Variants in TPGS2 observed in about 807,000 individuals in gnomAD.
TPGS2 encodes polyglutamylase subunit 2.
A neutral mutation model predicts 31.1 loss-of-function variants in TPGS2; 26 were observed. That is an observed-to-expected ratio of 0.84 (90% CI 0.61 to 1.16). The LOEUF (loss-of-function observed/expected upper bound fraction) is 1.16. Ranked by LOEUF, TPGS2 falls within the 50% of genes most tolerant of loss-of-function variation. The pLI, the probability that TPGS2 is intolerant of heterozygous loss-of-function variation, is 0.00. For missense variants in TPGS2, 351 were observed against 363.8 expected (o/e 0.96, Z 0.29); for synonymous variants, 130 against 136.6 (o/e 0.95, Z 0.34).
intron 5 of TPGS2, among the ~76,000 whole-genome samples, chr18:36,799,004 T>TGAA (rs1324149960): frequency 6.6e-6 from 1 of 152,174 alleles, no homozygotes; most frequent in African/African-American, 2.4e-5. Context: ...TAGGTTTTTT[T>TGAA]GAAGAAGTCT....
chr18:36,828,623 C>T (rs2046313771), intron 1 of TPGS2, 60 bp downstream of exon 1: 1 of 1,587,572 alleles, frequency 6.3e-7, no homozygotes, highest in South Asian at 1.1e-5. Context: ...CGCACCTCAT[C>T]CCTCCGCTCC....
At chr18:36,786,743 T>C (rs1436943277) in intron 6 of TPGS2, 3 of 1,172,868 alleles carry the variant, frequency 2.6e-6, no homozygotes, top group Non-Finnish European at 2.1e-6. Flanking sequence ...GGTCAGAAAC[T>C]CAGTTTCTAA....
Position 36,795,216 on chromosome 18 carries a change from G to C in TPGS2, c.*1589C>G. ...AAAATAAACATGTTTCAGAGCAAAAGTGCATGTGGAGAATCCTGTGGACTG... is the reference window on the plus strand; with the variant it reads ...AAAATAAACATGTTTCAGAGCAAAACTGCATGTGGAGAATCCTGTGGACTG... On this transcript the variant is annotated 3_prime_UTR_variant, in exon 7 of 7. Transcript: ENST00000334295. 1.0e-6 allele frequency: 1 copy of C among 985,436 alleles called. No homozygotes were observed. The highest frequency in any genetic ancestry group is 1.7e-5 in the African/African-American group (1 of 57,350). The allele number at this position is 985,436 out of a possible 1,614,324, so 61.0% of individuals were successfully genotyped here.
intron 6 of TPGS2, among the ~76,000 whole-genome samples, chr18:36,783,756 C>T (rs2044068424): frequency 6.6e-6 from 1 of 152,130 alleles, no homozygotes; most frequent in Admixed American, 6.5e-5. Flanking sequence ...CACCAAATAC[C>T]ACTGTAACAG....
intron 4 of TPGS2, among the ~76,000 whole-genome samples, chr18:36,803,531 G>A (rs2044944667): frequency 6.6e-6 from 1 of 152,030 alleles, no homozygotes; most frequent in South Asian, 2.1e-4. Flanking sequence ...GCAGAGAGGT[G>A]TCTTTTATTA....
intron 2 of TPGS2, among the ~76,000 whole-genome samples, chr18:36,811,869 C>T (rs928719408): frequency 1.3e-5 from 2 of 152,224 alleles, no homozygotes; most frequent in African/African-American, 4.8e-5. Context: ...GTGTCAGACA[C>T]ATGGATTGCT....
intron 6 of TPGS2, chr18:36,786,946 A>G: frequency 2.4e-6 from 3 of 1,234,422 alleles, no homozygotes; most frequent in Non-Finnish European, 3.0e-6. Flanking sequence ...CCGGGGCTTC[A>G]TGCTGCTGAC....
At chr18:36,823,460 G>GTTTTTTTTTTTTTTTTTTTTTTTTT (rs919277214) in intron 1 of TPGS2, among the ~76,000 whole-genome samples, 1 of 108,110 alleles carries the variant, frequency 9.2e-6, no homozygotes, top group African/African-American at 3.8e-5. Flanking sequence ...TTAACAGCTT[G>GTTTTTTTTTTTTTTTTTTTTTTTTT]TTTTTTTTTT....
intron 2 of TPGS2, among the ~76,000 whole-genome samples, chr18:36,811,206 G>A (rs1600803627): frequency 6.6e-6 from 1 of 152,182 alleles, no homozygotes; most frequent in East Asian, 1.9e-4. Flanking sequence ...TCCATGAAGT[G>A]GAGGAAAACC....
Position 36,796,075 on chromosome 18 carries a change from G to A in TPGS2, c.*730C>T, listed in dbSNP as rs2044512867. On this transcript the variant is annotated 3_prime_UTR_variant, in exon 7 of 7. Coordinates refer to ENST00000334295, the MANE Select transcript of TPGS2 (RefSeq NM_015476.4). Reference sequence around the variant, plus strand: ...GCAAGAAACTTCACTGGAAACTGATGAGGAAGACAAACTTTATAGGAAGCT... The same window carrying A: ...GCAAGAAACTTCACTGGAAACTGATAAGGAAGACAAACTTTATAGGAAGCT... 1 of 985,334 alleles carries A rather than the reference G, an allele frequency of 1.0e-6. No individual in the cohort carries two copies. The highest frequency in any genetic ancestry group is 1.7e-5 in the African/African-American group (1 of 57,242). 61.0% of individuals were successfully genotyped at this position (985,334 alleles called of 1,614,324 possible). A position where few individuals can be genotyped will look rare whatever the true frequency, so the allele number is the denominator to read the frequency against.
Position 36,824,555 on chromosome 18 carries a change from T to C in TPGS2, c.85+4128A>G, listed in dbSNP as rs75566216. The stretch of plus-strand genomic sequence containing the variant: ...ATTGCTGTATCTGTCTTTTTGACTA[T>C]AGCCATCCTAGTGGGTGTGAAGTGA... On this transcript the variant is annotated intron_variant, in intron 1 of 6. Coordinates refer to ENST00000334295, the MANE Select transcript of TPGS2 (RefSeq NM_015476.4). 4.6e-3 allele frequency among the ~76,000 whole-genome samples: 708 copies of C among 152,360 alleles called. 10 individuals are homozygous for C. Among genetic ancestry groups the C allele is most frequent in the African/African-American group, 0.017 (687 of 41,576 alleles).
chr18:36,795,558 A>C lies in TPGS2; in HGVS notation c.*1247T>G. 1 of 985,472 alleles carries C rather than the reference A, an allele frequency of 1.0e-6. No homozygotes were observed. The highest frequency in any genetic ancestry group is 1.2e-6 in the Non-Finnish European group (1 of 829,942). 61.0% of individuals were successfully genotyped at this position (985,472 alleles called of 1,614,324 possible). A position where few individuals can be genotyped will look rare whatever the true frequency, so the allele number is the denominator to read the frequency against. On this transcript the variant is annotated 3_prime_UTR_variant, in exon 7 of 7. Transcript: ENST00000334295. The stretch of plus-strand genomic sequence containing the variant: ...CTTCTGCCCACAGCCAGGACTGTAG[A>C]GGGAGGAAATAAATAGGCATTCCTA...
intron 6 of TPGS2, among the ~76,000 whole-genome samples, chr18:36,787,337 CAG>C (rs1332022411): frequency 1.3e-5 from 2 of 152,124 alleles, no homozygotes; most frequent in Non-Finnish European, 1.5e-5. Flanking sequence ...TGTTTCCCTT[CAG>C]AGAGAGACTT....
chr18:36,788,056 G>A (rs1007252170), intron 6 of TPGS2, among the ~76,000 whole-genome samples: 4 of 152,130 alleles, frequency 2.6e-5, no homozygotes, highest in Admixed American at 1.3e-4. Context: ...AAACTATATG[G>A]ACTTGTGTTT....
At chr18:36,781,826 A>G, downstream of TPGS2, 1 of 985,448 alleles carries the variant, frequency 1.0e-6, no homozygotes, top group Non-Finnish European at 1.2e-6. Flanking sequence ...TGAAGCAGAC[A>G]TTTGTCAAAT....
At chr18:36,801,618 A>G (rs1488655180) in intron 4 of TPGS2, among the ~76,000 whole-genome samples, 1 of 152,182 alleles carries the variant, frequency 6.6e-6, no homozygotes, top group East Asian at 1.9e-4. Context: ...ACAGGTGTGA[A>G]TGACTGAACA....
chr18:36,781,178 A>G (rs1454362371), downstream of TPGS2, among the ~76,000 whole-genome samples: 2 of 152,166 alleles, frequency 1.3e-5, no homozygotes, highest in Non-Finnish European at 1.5e-5. Flanking sequence ...GTAGAGCAAT[A>G]CTGAGGGGTC....
At chr18:36,781,184 G>T (rs1376646130), downstream of TPGS2, among the ~76,000 whole-genome samples, 3 of 152,148 alleles carry the variant, frequency 2.0e-5, no homozygotes, top group African/African-American at 4.8e-5. Flanking sequence ...CAATACTGAG[G>T]GGTCTGAGAC....
At chr18:36,798,116 G>C (rs1444996275) in intron 6 of TPGS2, 1 of 1,100,428 alleles carries the variant, frequency 9.1e-7, no homozygotes, top group Non-Finnish European at 1.1e-6. Flanking sequence ...GGAGAACAGG[G>C]GAGTGAGAAT....
Sources: allele counts gnomAD v4.1 joint callset (sites outside exome capture counted in the v4.1 genomes callset), GRCh38; gene constraint gnomAD v4.1.1; transcripts MANE v1.5; gene names NCBI Gene and HGNC (gene_info 2026-07-23, HGNC 2026-07-21).